The following ITGA8 variants were observed in gnomAD, a reference collection of about 807,000 sequenced individuals.
ITGA8 encodes the protein integrin subunit alpha 8.
A neutral mutation model predicts 142.3 loss-of-function variants in ITGA8; 91 were observed. The observed-to-expected ratio is 0.64, with a 90% CI of 0.54 to 0.76. ITGA8 has a LOEUF of 0.76. ITGA8 is among the 30% of genes least tolerant of loss of function. The pLI is 0.00. For synonymous variants in ITGA8, 505 were observed against 485.2 expected (o/e 1.04, Z -0.54); for missense variants, 1,406 against 1,327.7 (o/e 1.06, Z -0.92).
chr10:15,548,760 T>A (rs888014687), intron 26 of ITGA8, among the ~76,000 whole-genome samples, 192 bp from the exon 27 acceptor site: 2 of 152,140 alleles, frequency 1.3e-5, no homozygotes, highest in African/African-American at 4.8e-5. Context: ...GAACACAAAA[T>A]GCAACATAAA....
intron 2 of ITGA8, among the ~76,000 whole-genome samples, chr10:15,694,236 T>C (rs7075714): frequency 0.038 from 5,173 of 135,152 alleles, 233 homozygotes; most frequent in African/African-American, 0.1. Flanking sequence ...TATATGATAA[T>C]ATATCATATA....
chr10:15,562,974 C>A (rs770231458), intron 25 of ITGA8, among the ~76,000 whole-genome samples: 1 of 152,320 alleles, frequency 6.6e-6, no homozygotes, highest in Admixed American at 6.5e-5. Flanking sequence ...ATGGCTTGGG[C>A]CATCCCATTG....
intron 22 of ITGA8, among the ~76,000 whole-genome samples, chr10:15,587,991 A>T (rs1468494379): frequency 1.3e-5 from 2 of 152,180 alleles, no homozygotes; most frequent in Non-Finnish European, 2.9e-5. Context: ...GGCAGCTTTT[A>T]GCAAACCGAG....
At chr10:15,577,549 A>G (rs1834323255) in intron 23 of ITGA8, among the ~76,000 whole-genome samples, 1 of 152,274 alleles carries the variant, frequency 6.6e-6, no homozygotes. Flanking sequence ...GAAATATATA[A>G]TCTATCAAAA....
intron 8 of ITGA8, among the ~76,000 whole-genome samples, chr10:15,661,561 C>T (rs1834287806): frequency 6.6e-6 from 1 of 152,200 alleles, no homozygotes; most frequent in Non-Finnish European, 1.5e-5. Flanking sequence ...TCTCTCTGTA[C>T]TTCGGTCTCT....
intron 8 of ITGA8, among the ~76,000 whole-genome samples, chr10:15,666,775 A>G (rs1834402575): frequency 6.6e-6 from 1 of 152,198 alleles, no homozygotes; most frequent in Non-Finnish European, 1.5e-5. Flanking sequence ...TATTGAGATA[A>G]TCATGTGGTT....
chr10:15,572,191 T>C lies in ITGA8; in HGVS notation c.2637+20A>G. On this transcript the variant is annotated intron_variant, in intron 25 of 29. Coordinates refer to ENST00000378076, the MANE Select transcript of ITGA8 (RefSeq NM_003638.3). ...ATAAAAATAAAATCAACAAAGCCAC[T>C]GATTAGACCAGACTCCTACCTTTAT... is the stretch of plus-strand genomic sequence containing the variant. 6.5e-7 allele frequency: 1 copy of C among 1,546,504 alleles called. No homozygotes were observed. Among genetic ancestry groups the C allele is most frequent in the Non-Finnish European group, 8.7e-7 (1 of 1,144,990 alleles).
At chr10:15,576,429 TAAG>T (rs1834299645) in intron 23 of ITGA8, among the ~76,000 whole-genome samples, 2 of 152,220 alleles carry the variant, frequency 1.3e-5, no homozygotes, top group Admixed American at 1.3e-4. Flanking sequence ...TATAAAATCT[TAAG>T]AAGGGTAGTC....
rs560869034 is a variant in ITGA8 at position 15,549,790 on chromosome 10, C to T, written c.2767-1222G>A. Among the ~76,000 whole-genome samples the T allele has an allele frequency of 2.0e-5, 3 of 152,184 alleles. No homozygotes were observed. The East Asian group carries it at 5.8e-4, about 29-fold the overall frequency. On this transcript the variant is annotated intron_variant, in intron 26 of 29. Transcript: ENST00000378076. The stretch of plus-strand genomic sequence containing the variant: ...ATATAACACAGAATAATCCAAGGAA[C>T]ATATTACGACAAGAACCTTTTTCGA...
intron 13 of ITGA8, among the ~76,000 whole-genome samples, chr10:15,627,536 A>G (rs553835183): frequency 6.6e-6 from 1 of 152,328 alleles, no homozygotes; most frequent in Non-Finnish European, 1.5e-5. Context: ...ATATAGAAAG[A>G]AGAGCATCAC....
intron 2 of ITGA8, among the ~76,000 whole-genome samples, chr10:15,691,038 C>A (rs1267456370): frequency 1.3e-5 from 2 of 152,090 alleles, no homozygotes; most frequent in Non-Finnish European, 2.9e-5. Flanking sequence ...AGGGCCTGGA[C>A]AGATATTTTA....
intron 2 of ITGA8, among the ~76,000 whole-genome samples, chr10:15,694,259 T>TC (rs1834994708): frequency 9.8e-6 from 1 of 101,530 alleles, no homozygotes; most frequent in African/African-American, 3.2e-5. Flanking sequence ...TGATAACATA[T>TC]ACATCAGATA....
chr10:15,684,563 G>T (rs1178638072), intron 3 of ITGA8, among the ~76,000 whole-genome samples: 2 of 151,940 alleles, frequency 1.3e-5, no homozygotes, highest in East Asian at 1.9e-4. Context: ...TGTAGAGACA[G>T]AATCTTATTA....
intron 23 of ITGA8, among the ~76,000 whole-genome samples, chr10:15,575,962 TGA>T (rs1423239718): frequency 1.1e-4 from 15 of 138,136 alleles, no homozygotes; most frequent in African/African-American, 3.5e-4. Context: ...TGTGTGTGTG[TGA>T]GTGTGTGTGT....
At chr10:15,558,306 G>T in intron 25 of ITGA8, 104 bp from the exon 26 acceptor site, 3 of 1,328,158 alleles carry the variant, frequency 2.3e-6, no homozygotes, top group East Asian at 2.5e-5. Context: ...AGTGGAATAT[G>T]ATTCACATGA....
rs116673330 is a variant in ITGA8 at position 15,676,355 on chromosome 10, A to G, written c.676+1237T>C. On this transcript the variant is annotated intron_variant, in intron 6 of 29. Transcript: ENST00000378076. ...GCAGATGCTGTCTGTACCTGGGTTC[A>G]TGGCTCCATAAGCAGAGCACAGGTT... 6.6e-3 allele frequency among the ~76,000 whole-genome samples: 1,005 copies of G among 152,314 alleles called. 8 individuals carry two copies. The highest frequency in any genetic ancestry group is 0.037 in the Middle Eastern group (11 of 294).
intron 11 of ITGA8, among the ~76,000 whole-genome samples, chr10:15,654,487 CT>C (rs2131664260): frequency 6.6e-6 from 1 of 152,288 alleles, no homozygotes; most frequent in South Asian, 2.1e-4. Flanking sequence ...TGAAATTTAT[CT>C]CCAGTCAAAT....
Position 15,718,705 on chromosome 10 carries a change from T to C in ITGA8, c.343+61A>G, listed in dbSNP as rs1423107402. On this transcript the variant is annotated intron_variant, in intron 2 of 29. Coordinates refer to ENST00000378076, the MANE Select transcript of ITGA8 (RefSeq NM_003638.3). ...CACCAAGACAGCGGGAAGTCGCCTC[T>C]GGGATGGCCCTGGTTCTTCCAAACC... is the stretch of plus-strand genomic sequence containing the variant. 16 of 1,594,180 alleles carry C rather than the reference T, an allele frequency of 1.0e-5. No homozygotes were observed. In the Admixed American group the frequency reaches 2.5e-4, roughly 25 times the overall value.
At chr10:15,672,119 A>G (rs557678393) in intron 7 of ITGA8, among the ~76,000 whole-genome samples, 1 of 152,340 alleles carries the variant, frequency 6.6e-6, no homozygotes, top group Admixed American at 6.5e-5. Context: ...GTTTAGCTCT[A>G]AAGTGAGGTG....
Sources: allele counts gnomAD v4.1 joint callset (sites outside exome capture counted in the v4.1 genomes callset), GRCh38; gene constraint gnomAD v4.1.1; transcripts MANE v1.5; gene names NCBI Gene and HGNC (gene_info 2026-07-23, HGNC 2026-07-21).